Variants in TSPAN18 observed in about 807,000 individuals in gnomAD.
The protein encoded by TSPAN18 is tetraspanin-18.
TSPAN18 carries 14 observed loss-of-function variants against 27.3 expected under a neutral mutation model. That is an observed-to-expected ratio of 0.51 (90% CI 0.34 to 0.80). TSPAN18 has a LOEUF of 0.80. Ranked by LOEUF, TSPAN18 falls within the 30% of genes least tolerant of loss-of-function variation. The pLI is 0.01. For missense variants in TSPAN18, 268 were observed against 323.9 expected (o/e 0.83, Z 1.32); for synonymous variants, 143 against 136.5 (o/e 1.05, Z -0.33).
intron 3 of TSPAN18, chr11:44,903,551 GGATTGAAGGGGAGGTAGGGAGGC>G (rs1859343942): frequency 2.2e-6 from 1 of 456,312 alleles, no homozygotes. Context: ...GGGAAGCACT[GGATTGAAGGGGAGGTAGGGAGGC>G]CAGTCCCAGC....
intron 2 of TSPAN18, among the ~76,000 whole-genome samples, chr11:44,807,845 C>T (rs778300048): frequency 6.6e-6 from 1 of 152,162 alleles, no homozygotes; most frequent in East Asian, 1.9e-4. Context: ...GCACTGGGCT[C>T]AGAAGGAGAG....
chr11:44,923,038 G>A (rs1860202118), intron 8 of TSPAN18, among the ~76,000 whole-genome samples: 1 of 152,216 alleles, frequency 6.6e-6, no homozygotes, highest in Non-Finnish European at 1.5e-5. Context: ...GAACCCGGGA[G>A]GCGGAGGTTG....
chr11:44,825,772 G>T (rs1267442498), intron 2 of TSPAN18, among the ~76,000 whole-genome samples: 1 of 152,144 alleles, frequency 6.6e-6, no homozygotes, highest in Admixed American at 6.5e-5. Flanking sequence ...GCCATTTCAC[G>T]GATCCTCAGA....
intron 2 of TSPAN18, among the ~76,000 whole-genome samples, chr11:44,833,413 G>A (rs1440053638): frequency 1.3e-5 from 2 of 151,198 alleles, no homozygotes; most frequent in African/African-American, 2.4e-5. Context: ...GACTCTAGTT[G>A]CCTTGTTTGC....
At chr11:44,891,923 A>G (rs1391132330) in intron 3 of TSPAN18, among the ~76,000 whole-genome samples, 1 of 152,220 alleles carries the variant, frequency 6.6e-6, no homozygotes, top group Non-Finnish European at 1.5e-5. Flanking sequence ...CAAGAGTGTT[A>G]TGGTGTGAAT....
chr11:44,825,696 T>C (rs1356966455), intron 2 of TSPAN18, among the ~76,000 whole-genome samples: 2 of 152,190 alleles, frequency 1.3e-5, no homozygotes, highest in Non-Finnish European at 2.9e-5. Flanking sequence ...CATTTGAACC[T>C]GATGGAAATG....
At chr11:44,818,309 C>T (rs1856854716) in intron 2 of TSPAN18, among the ~76,000 whole-genome samples, 1 of 152,204 alleles carries the variant, frequency 6.6e-6, no homozygotes, top group South Asian at 2.1e-4. Context: ...TTCTATACAT[C>T]CTCCAGGACG....
At chr11:44,848,277 C>A (rs974842476) in intron 2 of TSPAN18, among the ~76,000 whole-genome samples, 1 of 152,156 alleles carries the variant, frequency 6.6e-6, no homozygotes, top group Non-Finnish European at 1.5e-5. Context: ...CAGTCCTTTG[C>A]GCACCAAAGA....
intron 2 of TSPAN18, among the ~76,000 whole-genome samples, chr11:44,775,634 C>T (rs1400668261): frequency 6.6e-6 from 1 of 152,098 alleles, no homozygotes; most frequent in Non-Finnish European, 1.5e-5. Context: ...CCTCTTGGGC[C>T]TCTGGGGCTG....
At chr11:44,922,641 A>G (rs1860187193) in intron 8 of TSPAN18, among the ~76,000 whole-genome samples, 1 of 152,202 alleles carries the variant, frequency 6.6e-6, no homozygotes, top group Non-Finnish European at 1.5e-5. Context: ...AGGTAAGACC[A>G]GGGTGATGGC....
At chr11:44,894,997 C>T (rs533403437) in intron 3 of TSPAN18, among the ~76,000 whole-genome samples, 11 of 152,306 alleles carry the variant, frequency 7.2e-5, no homozygotes, top group African/African-American at 2.2e-4. Flanking sequence ...ACCCTGCCCA[C>T]GCTTCAGTTT....
chr11:44,853,072 T>C (rs1209962489), intron 2 of TSPAN18, among the ~76,000 whole-genome samples: 1 of 152,206 alleles, frequency 6.6e-6, no homozygotes, highest in Non-Finnish European at 1.5e-5. Flanking sequence ...TTCCAGGGCC[T>C]AAAACAGCAG....
intron 3 of TSPAN18, among the ~76,000 whole-genome samples, chr11:44,887,415 G>A (rs1267262079): frequency 6.6e-6 from 1 of 152,242 alleles, no homozygotes; most frequent in Non-Finnish European, 1.5e-5. Context: ...CTCAGCAGTG[G>A]TATAGCCTTG....
At position 44,909,773 on chromosome 11, in the gene TSPAN18, C is replaced by G. The variant is rs747032387; in HGVS notation, c.132C>G (p.Ile44Met). 6 of 1,613,892 alleles carry G rather than the reference C, an allele frequency of 3.7e-6. No homozygotes were observed. Among genetic ancestry groups the G allele is most frequent in the Non-Finnish European group, 5.1e-6 (6 of 1,180,022 alleles). Residue 44 changes from isoleucine (I) to methionine (M), a missense_variant, in exon 5 of 10, where the codon ATC becomes ATG. Physicochemically the swap from Ile to Met is conservative, Grantham distance 10. Transcript: ENST00000520358. ...VMVDPTGFREIVAANPLLLTG... is the reference protein window; with the variant it reads ...VMVDPTGFREMVAANPLLLTG... ...TGGACCCCACCGGCTTCCGGGAGAT[C>G]GTGGCTGCCAATCCTCTGCTCCTCA...
At chr11:44,769,996 G>C (rs554007677) in intron 2 of TSPAN18, among the ~76,000 whole-genome samples, 1 of 152,342 alleles carries the variant, frequency 6.6e-6, no homozygotes, top group South Asian at 2.1e-4. Flanking sequence ...TCTGCGGAAT[G>C]GGTGTGGCGA....
chr11:44,784,513 C>T (rs1018856378), intron 2 of TSPAN18, among the ~76,000 whole-genome samples: 3 of 152,196 alleles, frequency 2.0e-5, no homozygotes, highest in South Asian at 2.1e-4. Flanking sequence ...GGTTGGACTC[C>T]GTGCTCTAAC....
intron 1 of TSPAN18, among the ~76,000 whole-genome samples, chr11:44,730,479 G>A (rs1211608741): frequency 3.3e-5 from 5 of 152,142 alleles, no homozygotes; most frequent in African/African-American, 1.2e-4. Flanking sequence ...GTCCCACTGA[G>A]CAGATGACGC....
chr11:44,879,628 C>T (rs1036462186), intron 3 of TSPAN18, among the ~76,000 whole-genome samples: 1 of 152,230 alleles, frequency 6.6e-6, no homozygotes, highest in Non-Finnish European at 1.5e-5. Flanking sequence ...AAGGCCAGAG[C>T]AGCTGGAGCT....
chr11:44,791,614 C>T (rs938415819), intron 2 of TSPAN18, among the ~76,000 whole-genome samples: 2 of 151,984 alleles, frequency 1.3e-5, no homozygotes, highest in Non-Finnish European at 2.9e-5. Context: ...TGTGGACTGT[C>T]TCCTCCTCCT....
Sources: allele counts gnomAD v4.1 joint callset (sites outside exome capture counted in the v4.1 genomes callset), GRCh38; gene constraint gnomAD v4.1.1; transcripts MANE v1.5; gene names NCBI Gene and HGNC (gene_info 2026-07-23, HGNC 2026-07-21).